The following WDR72 variants were observed in gnomAD, a reference collection of about 807,000 sequenced individuals.
WDR72 encodes WD repeat domain 72, also known as WD repeat-containing protein 72.
A neutral mutation model predicts 124.2 loss-of-function variants in WDR72; 120 were observed. The ratio of observed to expected loss-of-function variants is 0.97; its 90% CI spans 0.83 to 1.12. The LOEUF is 1.12. Ranked by LOEUF, WDR72 falls within the 50% of genes most tolerant of loss-of-function variation. The probability of loss-of-function intolerance (pLI) is 0.00; values close to 1 mark genes in which losing one functional copy is unlikely to be tolerated. For missense variants in WDR72, 1,387 were observed against 1,278.8 expected (o/e 1.08, Z -1.29); for synonymous variants, 452 against 441.7 (o/e 1.02, Z -0.29).
At chr15:53,738,104 T>C (rs1257198845) in intron 1 of WDR72, among the ~76,000 whole-genome samples, 1 of 152,108 alleles carries the variant, frequency 6.6e-6, no homozygotes, top group East Asian at 1.9e-4. Context: ...CAAGAAAACA[T>C]AATATAAATT....
intron 18 of WDR72, chr15:53,541,046 G>A (rs1388639852): frequency 6.3e-6 from 1 of 158,956 alleles, no homozygotes; most frequent in Non-Finnish European, 1.4e-5. Context: ...CAAACTGCAA[G>A]GCGGCAGCCA....
intron 12 of WDR72, 39 bp from the exon 13 acceptor site, chr15:53,699,984 A>G: frequency 1.2e-6 from 2 of 1,612,648 alleles, no homozygotes; most frequent in Non-Finnish European, 1.7e-6. Context: ...TAAATAGTCA[A>G]ATGCTTTCTT....
Position 53,758,163 on chromosome 15 carries a change from C to T in WDR72, c.-13+1470G>A, listed in dbSNP as rs112297137. On this transcript the variant is annotated intron_variant, in intron 1 of 19. Coordinates refer to ENST00000360509, the MANE Select transcript of WDR72 (RefSeq NM_182758.4). ...TGGGATTATGGACTGACGCACACCACCACACCCAGCTGATTTTTGTAGAGA... is the reference window on the plus strand; with the variant it reads ...TGGGATTATGGACTGACGCACACCATCACACCCAGCTGATTTTTGTAGAGA... Among the ~76,000 whole-genome samples the T allele has an allele frequency of 7.0e-3, 1,070 of 152,114 alleles. 13 individuals are homozygous for T. Among genetic ancestry groups the T allele is most frequent in the African/African-American group, 0.024 (999 of 41,492 alleles).
At chr15:53,732,551 G>C (rs1171727867) in intron 2 of WDR72, among the ~76,000 whole-genome samples, 1 of 152,106 alleles carries the variant, frequency 6.6e-6, no homozygotes, top group Admixed American at 6.5e-5. Context: ...GGCAGGCAGA[G>C]ACTAAAAGAA....
intron 18 of WDR72, among the ~76,000 whole-genome samples, chr15:53,537,365 AC>A (rs1266671363): frequency 6.6e-6 from 1 of 152,152 alleles, no homozygotes; most frequent in African/African-American, 2.4e-5. Flanking sequence ...CCTTCAACAA[AC>A]ATTGTTCAAG....
rs1258759520 is a variant in WDR72, at chr15:53,706,348, GTGTATATATATATATATATA to G, written c.955-294_955-275del. Among the ~76,000 whole-genome samples, 203 of 57,388 alleles carry G rather than the reference GTGTATATATATATATATATA, an allele frequency of 3.5e-3. 4 individuals are homozygous for G. Among genetic ancestry groups the G allele is most frequent in the African/African-American group, 0.017 (175 of 10,226 alleles). 37.6% of individuals were successfully genotyped at this position (57,388 alleles called of 152,430 possible). On this transcript the variant is annotated intron_variant, in intron 9 of 19. Transcript: ENST00000360509. ...TATATGTGCGTGTGTGTGTGTGTGT[GTGTATATATATATATATATA>G]TATATATATATATATATATATATAT...
intron 14 of WDR72, among the ~76,000 whole-genome samples, chr15:53,623,009 A>T (rs1402942341): frequency 6.6e-6 from 1 of 152,340 alleles, no homozygotes; most frequent in East Asian, 1.9e-4. Flanking sequence ...TAAAATACTC[A>T]TACCATCACA....
chr15:53,720,667 T>G (rs148933312), intron 3 of WDR72, among the ~76,000 whole-genome samples: 2 of 152,146 alleles, frequency 1.3e-5, no homozygotes, highest in South Asian at 2.1e-4. Context: ...GTCATTACAG[T>G]TGGGAAGTCA....
intron 1 of WDR72, chr15:53,756,720 C>T (rs960366522): frequency 6.6e-6 from 1 of 152,220 alleles, no homozygotes; most frequent in Non-Finnish European, 1.5e-5. Context: ...TTCACTGCTT[C>T]ATGCGGTCCT....
At position 53,649,409 on chromosome 15, in the gene WDR72, CAATATA is replaced by C. The variant is rs1390234323; in HGVS notation, c.1962+16157_1962+16162del. On this transcript the variant is annotated intron_variant, in intron 14 of 19. Coordinates refer to ENST00000360509, the MANE Select transcript of WDR72 (RefSeq NM_182758.4). ...AAAATATTTTTTCTGGGCAAAAATGCAATATAAATATAAAGAAAGCAATTTTATGTG... is the reference window on the plus strand; with the variant it reads ...AAAATATTTTTTCTGGGCAAAAATGCAATATAAAGAAAGCAATTTTATGTG... Among the ~76,000 whole-genome samples, 5 of 152,144 alleles carry C rather than the reference CAATATA, an allele frequency of 3.3e-5. No individual in the cohort carries two copies. The East Asian group carries it at 9.7e-4, about 29-fold the overall frequency.
intron 13 of WDR72, among the ~76,000 whole-genome samples, 189 bp from the exon 14 acceptor site, chr15:53,665,957 T>C (rs1228241073): frequency 6.6e-6 from 1 of 152,198 alleles, no homozygotes; most frequent in Non-Finnish European, 1.5e-5. Context: ...AGTCTGAACT[T>C]ATGGATTTGA....
chr15:53,699,609 A>T, intron 13 of WDR72, 141 bp downstream of exon 13: 1 of 854,984 alleles, frequency 1.2e-6, no homozygotes, highest in Non-Finnish European at 1.8e-6. Context: ...ACATGCCTTT[A>T]ACTGAAGCCA....
intron 8 of WDR72, 112 bp downstream of exon 8, chr15:53,711,224 G>A: frequency 6.6e-7 from 1 of 1,514,300 alleles, no homozygotes; most frequent in South Asian, 1.1e-5. Context: ...TGCCAAAGTT[G>A]TTTTGTTCTG....
In WDR72 at chr15:53,715,372, G is replaced by A. The variant is rs376962236; in HGVS notation, c.340-5C>T. The A allele has an allele frequency of 3.3e-5, 54 of 1,613,992 alleles. No homozygotes were observed. In the South Asian group the frequency reaches 4.6e-4, roughly 14 times the overall value. ...CCGGAATGAGCAGTGGTAATACTAC[G>A]TACATGGAAAGCAAAGCAAACATTT... On this transcript the variant is annotated splice_polypyrimidine_tract_variant and splice_region_variant and intron_variant, in intron 4 of 19. Transcript: ENST00000360509.
intron 1 of WDR72, among the ~76,000 whole-genome samples, chr15:53,753,811 TG>T (rs1453692827): frequency 3.9e-5 from 6 of 152,230 alleles, no homozygotes; most frequent in Admixed American, 2.6e-4. Context: ...GACCTTGTGC[TG>T]GTGGCTTTCC....
intron 14 of WDR72, among the ~76,000 whole-genome samples, chr15:53,647,856 G>T (rs905087490): frequency 1.3e-5 from 2 of 152,064 alleles, no homozygotes; most frequent in Non-Finnish European, 2.9e-5. Context: ...AAACAAGAGA[G>T]GCCTGGTGAC....
In WDR72 at chr15:53,695,362, A is replaced by G. The variant is rs986467927; in HGVS notation, c.1765+4388T>C. Among the ~76,000 whole-genome samples, 6 of 152,252 alleles carry G rather than the reference A, an allele frequency of 3.9e-5. No homozygotes were observed. In the East Asian group the frequency reaches 1.2e-3, roughly 29 times the overall value. On this transcript the variant is annotated intron_variant, in intron 13 of 19. Coordinates refer to ENST00000360509, the MANE Select transcript of WDR72 (RefSeq NM_182758.4). ...AAAGAATAATTAGCTCAGAGCTAAGATTTATTTCTGGTATGTAATTTAGGG... is the reference window on the plus strand; with the variant it reads ...AAAGAATAATTAGCTCAGAGCTAAGGTTTATTTCTGGTATGTAATTTAGGG...
intron 1 of WDR72, 132 bp from the exon 2 acceptor site, chr15:53,733,293 T>A: frequency 2.1e-6 from 2 of 962,606 alleles, no homozygotes; most frequent in Non-Finnish European, 3.2e-6. Context: ...GAAAAGGGTG[T>A]TTCCCCGTCA....
intron 10 of WDR72, 47 bp from the exon 11 acceptor site, chr15:53,705,280 T>C (rs2017318676): frequency 5.7e-6 from 9 of 1,585,820 alleles, no homozygotes; most frequent in African/African-American, 1.3e-5. Context: ...TATCAGTACA[T>C]CATAGACATG....
Sources: allele counts gnomAD v4.1 joint callset (sites outside exome capture counted in the v4.1 genomes callset), GRCh38; gene constraint gnomAD v4.1.1; transcripts MANE v1.5; gene names NCBI Gene and HGNC (gene_info 2026-07-23, HGNC 2026-07-21).